Variants in CFTR observed in about 807,000 individuals in gnomAD.
CFTR encodes the protein cystic fibrosis transmembrane conductance regulator.
Under a neutral mutation model 171.6 loss-of-function variants are expected in CFTR, and 181 were observed. The observed-to-expected ratio is 1.05, with a 90% CI of 0.93 to 1.19. The LOEUF (loss-of-function observed/expected upper bound fraction) is 1.19. Ranked by LOEUF, CFTR falls within the 50% of genes most tolerant of loss-of-function variation. The pLI is 0.00. For synonymous variants in CFTR, 583 were observed against 608.0 expected, an observed-to-expected ratio of 0.96 and a Z score of 0.60; for missense variants, 1,968 against 1,734.7, an observed-to-expected ratio of 1.13 and a Z score of -2.39.
chr7:117,531,264 A>AG, intron 4 of CFTR, 150 bp downstream of exon 4: 3 of 650,690 alleles, frequency 4.6e-6, no homozygotes, highest in Non-Finnish European at 8.1e-6. Context: ...GGAATAATTA[A>AG]TGCTCTTAAT....
intron 3 of CFTR, among the ~76,000 whole-genome samples, chr7:117,509,911 A>G (rs915262825): frequency 2.0e-5 from 3 of 152,192 alleles, no homozygotes; most frequent in Non-Finnish European, 2.9e-5. Context: ...TTTACTTATC[A>G]TATGGATTGA....
chr7:117,481,189 A>G (rs753302076), intron 1 of CFTR, among the ~76,000 whole-genome samples: 5 of 152,186 alleles, frequency 3.3e-5, no homozygotes, highest in Non-Finnish European at 5.9e-5. Context: ...CTAAGGAGAG[A>G]CTGTTGGCCC....
chr7:117,591,585 G>A lies in CFTR; in HGVS notation c.1767-349G>A, dbSNP rs35853854. 5.4e-3 allele frequency among the ~76,000 whole-genome samples: 815 copies of A among 151,954 alleles called. 6 individuals carry two copies. The highest frequency in any genetic ancestry group is 0.018 in the African/African-American group (762 of 41,484). ...AAAGAAATGAAGTACAAATCTCTAG[G>A]GACCTTAAAGATCATCTAATAATTT... On this transcript the variant is annotated intron_variant, in intron 13 of 26. Transcript: ENST00000003084.
chr7:117,648,859 A>G (rs1793036735), intron 23 of CFTR, among the ~76,000 whole-genome samples: 1 of 152,158 alleles, frequency 6.6e-6, no homozygotes, highest in Non-Finnish European at 1.5e-5. Context: ...ACCTAATTGT[A>G]TGAAATTGAA....
chr7:117,588,005 G>T (rs969259222), intron 12 of CFTR, among the ~76,000 whole-genome samples, 172 bp downstream of exon 12: 1 of 152,042 alleles, frequency 6.6e-6, no homozygotes, highest in Non-Finnish European at 1.5e-5. Context: ...TAATGGTATA[G>T]TATCCAGATT....
At position 117,612,023 on chromosome 7, in the gene CFTR, G is replaced by GTATATATATATATATATATA. The variant is rs772661286; in HGVS notation, c.3367+226_3367+245dup. ...TGAAATCGGATATATATATATATAT[G>GTATATATATATATATATATA]TATATATATATATATATATATATAT... On this transcript the variant is annotated intron_variant, in intron 20 of 26. Transcript: ENST00000003084. 1.3e-4 allele frequency among the ~76,000 whole-genome samples: 7 copies of GTATATATATATATATATATA among 53,226 alleles called. 1 individual carries two copies. The highest frequency in any genetic ancestry group is 4.5e-4 in the African/African-American group (4 of 8,954). The allele number at this position is 53,226 out of a possible 152,430, so 34.9% of individuals were successfully genotyped here.
intron 11 of CFTR, chr7:117,564,403 C>G (rs1791565686): frequency 6.6e-6 from 1 of 152,218 alleles, no homozygotes; most frequent in Non-Finnish European, 1.5e-5. Flanking sequence ...GTGTTCTCAC[C>G]TTTGAAAAGG....
intron 17 of CFTR, among the ~76,000 whole-genome samples, chr7:117,605,312 TATC>T: frequency 6.6e-6 from 1 of 152,344 alleles, no homozygotes; most frequent in East Asian, 1.9e-4. Flanking sequence ...AATTTTTGAT[TATC>T]ATGAAAATAT....
intron 21 of CFTR, among the ~76,000 whole-genome samples, chr7:117,618,910 TG>T (rs1380473213): frequency 6.6e-6 from 1 of 152,158 alleles, no homozygotes; most frequent in Non-Finnish European, 1.5e-5. Context: ...GAACACCCCA[TG>T]TTAGGGGATT....
intron 10 of CFTR, among the ~76,000 whole-genome samples, chr7:117,558,106 CTTA>C (rs1374343721): frequency 4.0e-5 from 6 of 151,402 alleles, no homozygotes; most frequent in Non-Finnish European, 5.9e-5. Flanking sequence ...TCTGAGCTGT[CTTA>C]TTATGTTTTG....
At chr7:117,551,954 T>A (rs925453961) in intron 10 of CFTR, among the ~76,000 whole-genome samples, 1 of 152,156 alleles carries the variant, frequency 6.6e-6, no homozygotes, top group South Asian at 2.1e-4. Context: ...ATGTATAGAA[T>A]AAGCTATTAG....
chr7:117,492,873 G>A (rs1019174375), intron 1 of CFTR, among the ~76,000 whole-genome samples: 12 of 152,018 alleles, frequency 7.9e-5, no homozygotes, highest in African/African-American at 2.9e-4. Flanking sequence ...CAATGCATTT[G>A]AGGTTTCTTG....
chr7:117,637,967 A>G (rs1270350802), intron 22 of CFTR, among the ~76,000 whole-genome samples: 4 of 152,192 alleles, frequency 2.6e-5, no homozygotes, highest in Admixed American at 2.6e-4. Context: ...TAAGCATCCT[A>G]TAGGCAAAAT....
At chr7:117,520,713 T>C (rs905690880) in intron 3 of CFTR, among the ~76,000 whole-genome samples, 1 of 151,992 alleles carries the variant, frequency 6.6e-6, no homozygotes, top group African/African-American at 2.4e-5. Context: ...CACATTATTC[T>C]TATTCCTCAA....
chr7:117,555,914 A>G (rs1799345010), intron 10 of CFTR, among the ~76,000 whole-genome samples: 1 of 152,196 alleles, frequency 6.6e-6, no homozygotes, highest in Non-Finnish European at 1.5e-5. Context: ...GGAGTCAAAA[A>G]TTATACGTGG....
chr7:117,569,714 C>T (rs542080635), intron 11 of CFTR, among the ~76,000 whole-genome samples: 1 of 152,178 alleles, frequency 6.6e-6, no homozygotes, highest in African/African-American at 2.4e-5. Flanking sequence ...AAGACTCAAA[C>T]AGGTAGTGGG....
chr7:117,546,724 T>C (rs1799153537), intron 9 of CFTR, among the ~76,000 whole-genome samples: 1 of 152,236 alleles, frequency 6.6e-6, no homozygotes, highest in Admixed American at 6.5e-5. Context: ...TTTAGGTTAA[T>C]AGCCTTTGTC....
chr7:117,485,663 A>G (rs1392200394), intron 1 of CFTR, among the ~76,000 whole-genome samples: 1 of 152,142 alleles, frequency 6.6e-6, no homozygotes, highest in Non-Finnish European at 1.5e-5. Flanking sequence ...CTTGATGTAG[A>G]GAATTACATT....
chr7:117,535,185 T>A (rs1412288369), intron 5 of CFTR, 63 bp from the exon 6 acceptor site: 2 of 1,540,798 alleles, frequency 1.3e-6, no homozygotes, highest in East Asian at 4.5e-5. Flanking sequence ...TCATATATGA[T>A]TGTTAGTTTC....
Sources: allele counts gnomAD v4.1 joint callset (sites outside exome capture counted in the v4.1 genomes callset), GRCh38; gene constraint gnomAD v4.1.1; transcripts MANE v1.5; gene names NCBI Gene and HGNC (gene_info 2026-07-23, HGNC 2026-07-21).